Variants in SLC36A1 observed in about 807,000 individuals in gnomAD.
SLC36A1 encodes proton-coupled amino acid transporter 1.
In SLC36A1, 30 loss-of-function variants were observed where a neutral mutation model predicts 47.5. The ratio of observed to expected loss-of-function variants is 0.63; its 90% CI spans 0.47 to 0.86. The LOEUF (loss-of-function observed/expected upper bound fraction) is 0.86, where lower values mean the gene tolerates loss of function less well. Ranked by LOEUF, SLC36A1 falls within the 40% of genes least tolerant of loss-of-function variation. SLC36A1 has a pLI of 0.00. For synonymous variants in SLC36A1, 255 were observed against 249.7 expected, an observed-to-expected ratio of 1.02 and a Z score of -0.20; for missense variants, 517 against 606.0, an observed-to-expected ratio of 0.85 and a Z score of 1.54.
chr5:151,540,896 A>C, the SLC36A1 span: 3 of 718,006 alleles, frequency 4.2e-6, no homozygotes, highest in Non-Finnish European at 6.4e-6. Context: ...TTAACTAGGA[A>C]CCCACGATTC....
intron 1 of SLC36A1, among the ~76,000 whole-genome samples, chr5:151,439,941 A>G (rs1015990748): frequency 6.6e-6 from 1 of 152,204 alleles, no homozygotes; most frequent in African/African-American, 2.4e-5. Context: ...GAATTTTCAA[A>G]TTCATTTTTC....
At chr5:151,346,883 T>C in the SLC36A1 span, among the ~76,000 whole-genome samples, 11 of 152,212 alleles carry the variant, frequency 7.2e-5, no homozygotes, top group African/African-American at 2.4e-4. Context: ...TACTTAGTGG[T>C]CAGTGAGGCC....
chr5:151,536,221 GA>G, the SLC36A1 span, among the ~76,000 whole-genome samples: 84,083 of 150,860 alleles, frequency 0.56, 23,456 homozygotes, highest in East Asian at 0.75. Context: ...TCCATATTCA[GA>G]AAAAAAAACG....
At chr5:151,381,736 G>A in the SLC36A1 span, among the ~76,000 whole-genome samples, 1 of 152,110 alleles carries the variant, frequency 6.6e-6, no homozygotes, top group Non-Finnish European at 1.5e-5. Flanking sequence ...CAAGAAGACA[G>A]CTTTGACTCC....
At chr5:151,545,013 C>T in the SLC36A1 span, 2 of 1,614,188 alleles carry the variant, frequency 1.2e-6, no homozygotes, top group Non-Finnish European at 1.7e-6. Flanking sequence ...CTTCCACTGC[C>T]AACTCATGAG....
At chr5:151,496,459 C>T (rs993213431), downstream of SLC36A1, among the ~76,000 whole-genome samples, 1 of 152,210 alleles carries the variant, frequency 6.6e-6, no homozygotes, top group Non-Finnish European at 1.5e-5. Flanking sequence ...AACCATTTTC[C>T]AGAGTGACTA....
At chr5:151,496,296 GCCT>G (rs144517973), downstream of SLC36A1, among the ~76,000 whole-genome samples, 741 of 152,290 alleles carry the variant, frequency 4.9e-3, 4 homozygotes, top group African/African-American at 0.017. Context: ...CGATTGTGAG[GCCT>G]CCTCAGCTAT....
the SLC36A1 span, chr5:151,509,381 C>T: frequency 2.0e-5 from 3 of 152,336 alleles, no homozygotes; most frequent in African/African-American, 7.2e-5. Context: ...GACACCCTAA[C>T]ACAATGGTCC....
the SLC36A1 span, chr5:151,512,354 A>G: frequency 6.2e-7 from 1 of 1,614,230 alleles, no homozygotes; most frequent in Non-Finnish European, 8.5e-7. The surrounding 1 kb of genome is among the most constrained non-coding windows in gnomAD (Gnocchi z 4.1). Flanking sequence ...AAGCCCTGGG[A>G]GACATTCGAG....
At chr5:151,511,944 T>TC in the SLC36A1 span, 3 of 568,318 alleles carry the variant, frequency 5.3e-6, no homozygotes, top group African/African-American at 3.8e-5. Context: ...TCCTCCCTCA[T>TC]CCCCCCAGAA....
the SLC36A1 span, among the ~76,000 whole-genome samples, chr5:151,353,070 G>T: frequency 6.6e-6 from 1 of 152,230 alleles, no homozygotes; most frequent in Non-Finnish European, 1.5e-5. Context: ...TAGAGAAAAA[G>T]AGATTCTCTT....
At chr5:151,523,421 A>G in the SLC36A1 span, among the ~76,000 whole-genome samples, 1 of 152,230 alleles carries the variant, frequency 6.6e-6, no homozygotes, top group Admixed American at 6.5e-5. Flanking sequence ...TACAAAAAAT[A>G]TAACTGAGGC....
chr5:151,455,854 G>C (rs1235518488), intron 1 of SLC36A1, among the ~76,000 whole-genome samples: 1 of 152,216 alleles, frequency 6.6e-6, no homozygotes, highest in Non-Finnish European at 1.5e-5. Context: ...ATTCTCATCA[G>C]TTTACAGAAA....
At chr5:151,430,585 A>C in the SLC36A1 span, among the ~76,000 whole-genome samples, 1 of 152,088 alleles carries the variant, frequency 6.6e-6, no homozygotes, top group Non-Finnish European at 1.5e-5. Context: ...TGGCCTCCCA[A>C]AGTGCTGGGA....
the SLC36A1 span, among the ~76,000 whole-genome samples, chr5:151,405,549 T>A: frequency 6.6e-6 from 1 of 152,128 alleles, no homozygotes; most frequent in Non-Finnish European, 1.5e-5. Context: ...TGCCGTTCTA[T>A]ATCCGTCATC....
At chr5:151,545,021 G>A in the SLC36A1 span, 4 of 1,614,092 alleles carry the variant, frequency 2.5e-6, no homozygotes, top group African/African-American at 2.7e-5. Flanking sequence ...GCCAACTCAT[G>A]AGTGTCCTGC....
chr5:151,522,362 A>G, the SLC36A1 span, among the ~76,000 whole-genome samples: 1 of 152,216 alleles, frequency 6.6e-6, no homozygotes. Context: ...CATCTCTCTG[A>G]GCCTCTTCCT....
intron 8 of SLC36A1, 85 bp downstream of exon 8, chr5:151,473,856 A>G (rs1757659715): frequency 3.7e-6 from 4 of 1,084,460 alleles, no homozygotes; most frequent in Non-Finnish European, 4.3e-6. Context: ...CTGAGGAAAC[A>G]TTGTTAGAAA....
chr5:151,556,056 T>G, the SLC36A1 span, among the ~76,000 whole-genome samples: 2 of 152,184 alleles, frequency 1.3e-5, no homozygotes, highest in Non-Finnish European at 2.9e-5. Context: ...TGGACTGGAC[T>G]CGGTAAGTAC....
Sources: allele counts gnomAD v4.1 joint callset (sites outside exome capture counted in the v4.1 genomes callset), GRCh38; gene constraint gnomAD v4.1.1; non-coding constraint Gnocchi (gnomAD v3.1); transcripts MANE v1.5; gene names NCBI Gene and HGNC (gene_info 2026-07-23, HGNC 2026-07-21).